SERPINB9: variants seen among roughly 807,000 people sequenced by gnomAD.
The protein encoded by SERPINB9 is serpin B9.
A neutral mutation model predicts 27.2 loss-of-function variants in SERPINB9; 20 were observed. That is an observed-to-expected ratio of 0.74 (90% CI 0.52 to 1.07). SERPINB9 has a LOEUF of 1.07. Ranked by LOEUF, SERPINB9 falls within the 50% of genes least tolerant of loss-of-function variation. The pLI, the probability that SERPINB9 is intolerant of heterozygous loss-of-function variation, is 0.00. For missense variants in SERPINB9, 476 were observed against 460.1 expected (o/e 1.03, Z -0.32); for synonymous variants, 189 against 180.0 (o/e 1.05, Z -0.40).
At chr6:2,897,640 C>A (rs541908547) in intron 2 of SERPINB9, among the ~76,000 whole-genome samples, 106 of 152,114 alleles carry the variant, frequency 7.0e-4, no homozygotes, top group African/African-American at 2.5e-3. Flanking sequence ...ACTTTAAAAT[C>A]ATTATGTTAG....
intron 3 of SERPINB9, 89 bp from the exon 4 acceptor site, chr6:2,895,597 T>A: frequency 1.2e-6 from 1 of 805,926 alleles, no homozygotes; most frequent in Non-Finnish European, 2.1e-6. Flanking sequence ...TATCTTTTTT[T>A]AATAAAAAGA....
At chr6:2,892,604 A>G (rs1180985554) in intron 5 of SERPINB9, among the ~76,000 whole-genome samples, 10 of 152,226 alleles carry the variant, frequency 6.6e-5, no homozygotes, top group Non-Finnish European at 2.9e-5. Context: ...TTATTAACGT[A>G]ATACTTTAAA....
At chr6:2,901,450 T>C (rs1274392584) in intron 1 of SERPINB9, among the ~76,000 whole-genome samples, 1 of 149,062 alleles carries the variant, frequency 6.7e-6, no homozygotes, top group African/African-American at 2.5e-5. Context: ...AGATTGTGCG[T>C]GAGAGGAAGG....
chr6:2,890,147 A>C lies in SERPINB9; in HGVS notation c.*16T>G. The C allele has an allele frequency of 3.1e-6, 5 of 1,600,492 alleles. No individual in the cohort carries two copies. The highest frequency in any genetic ancestry group is 4.3e-6 in the Non-Finnish European group (5 of 1,170,844). ...CAGGAAGAGGGAAATGGCCGAGTGC[A>C]CGGTAAGTGCACCCTTTATGGCGAT... On this transcript the variant is annotated 3_prime_UTR_variant, in exon 7 of 7. Transcript: ENST00000380698. The surrounding 1 kb of genome is among the most constrained non-coding windows in gnomAD (Gnocchi z 6.2).
Position 2,894,602 on chromosome 6 carries a change from C to G in SERPINB9, c.424+789G>C, listed in dbSNP as rs553431989. The stretch of plus-strand genomic sequence containing the variant: ...AGGTCCCCCAGAACCTAGGAAGAGG[C>G]AGCCCAAGTGTATACCTCAGGCAAG... On this transcript the variant is annotated intron_variant, in intron 4 of 6. Coordinates refer to ENST00000380698, the MANE Select transcript of SERPINB9 (RefSeq NM_004155.6). This position sits in a 1 kb window ranked among gnomAD's most constrained non-coding sequence, Gnocchi z 4.7. Among the ~76,000 whole-genome samples, 1 of 152,314 alleles carries G rather than the reference C, an allele frequency of 6.6e-6. No homozygotes were observed. The highest frequency in any genetic ancestry group is 6.5e-5 in the Admixed American group (1 of 15,302).
rs1376833731 is a variant in SERPINB9, at chr6:2,890,199, G to A, written c.1095C>T (p.Asn365=). ...AGAACCTGCCACAGAACAGAATGCTGTTGGCTCTGTTGTGCCTGATGAAGA... is the reference window on the plus strand; with the variant it reads ...AGAACCTGCCACAGAACAGAATGCTATTGGCTCTGTTGTGCCTGATGAAGA... ...FLFFIRHNRA[N]SILFCGRFSS... The change falls in exon 7 of 7, where the codon AAC becomes AAT. Residue 365 remains asparagine, a synonymous_variant. Coordinates refer to ENST00000380698, the MANE Select transcript of SERPINB9 (RefSeq NM_004155.6). This position sits in a 1 kb window ranked among gnomAD's most constrained non-coding sequence, Gnocchi z 6.2. The A allele has an allele frequency of 2.5e-6, 4 of 1,614,188 alleles. No individual in the cohort carries two copies. Among genetic ancestry groups the A allele is most frequent in the Non-Finnish European group, 3.4e-6 (4 of 1,180,024 alleles).
chr6:2,895,604 A>C (rs1767969224), intron 3 of SERPINB9, 96 bp from the exon 4 acceptor site: 1 of 758,754 alleles, frequency 1.3e-6, no homozygotes, highest in South Asian at 1.6e-5. Flanking sequence ...TTTTAATAAA[A>C]AGAATATACA....
chr6:2,895,367 G>A, intron 4 of SERPINB9, 24 bp downstream of exon 4: 3 of 1,495,754 alleles, frequency 2.0e-6, no homozygotes, highest in African/African-American at 1.4e-5. Flanking sequence ...TTGGGAGGAA[G>A]GTGCAATAAC....
intron 5 of SERPINB9, among the ~76,000 whole-genome samples, 187 bp from the exon 6 acceptor site, chr6:2,892,175 C>G (rs943106549): frequency 2.2e-5 from 3 of 136,012 alleles, no homozygotes; most frequent in Admixed American, 2.2e-4. Flanking sequence ...CAAGCAGACA[C>G]AGTACCACCC....
chr6:2,893,623 T>C, intron 4 of SERPINB9, 70 bp from the exon 5 acceptor site: 1 of 1,368,886 alleles, frequency 7.3e-7, no homozygotes, highest in Non-Finnish European at 1.0e-6. Context: ...TGATCCTGGA[T>C]CATTAGTTGA....
In SERPINB9 at chr6:2,897,991, A is replaced by C. The variant is rs116004335; in HGVS notation, c.169-1801T>G. Among the ~76,000 whole-genome samples, 124 of 152,244 alleles carry C rather than the reference A, an allele frequency of 8.1e-4. 1 individual carries two copies. The highest frequency in any genetic ancestry group is 2.9e-3 in the African/African-American group (120 of 41,550). On this transcript the variant is annotated intron_variant, in intron 2 of 6. Coordinates refer to ENST00000380698, the MANE Select transcript of SERPINB9 (RefSeq NM_004155.6). ...AGGCTGAGGCAGGAGAATCACGTGA[A>C]CTTGAACTCGGGAGTTGGAGGTCGT...
Position 2,889,922 on chromosome 6 carries a change from T to C in SERPINB9, c.*241A>G, listed in dbSNP as rs572200579. 2.4e-6 allele frequency: 1 copy of C among 416,610 alleles called. No individual in the cohort carries two copies. The highest frequency in any genetic ancestry group is 1.9e-5 in the African/African-American group (1 of 51,456). 25.8% of individuals were successfully genotyped at this position (416,610 alleles called of 1,614,324 possible). On this transcript the variant is annotated 3_prime_UTR_variant, in exon 7 of 7. Coordinates refer to ENST00000380698, the MANE Select transcript of SERPINB9 (RefSeq NM_004155.6). ...AACTTTGCTTGCCATCCTATGGGAT[T>C]TGGACTGCAATTTTAATACAACAGG...
At chr6:2,900,939 T>C (rs961517028) in intron 1 of SERPINB9, among the ~76,000 whole-genome samples, 4 of 135,230 alleles carry the variant, frequency 3.0e-5, no homozygotes, top group Non-Finnish European at 4.7e-5. Flanking sequence ...CTCCAATTCT[T>C]TCCGTAAGGA....
In SERPINB9 at chr6:2,903,043, G is replaced by A. The variant is rs577765349; in HGVS notation, c.-11+158C>T. On this transcript the variant is annotated intron_variant, in intron 1 of 6. Coordinates refer to ENST00000380698, the MANE Select transcript of SERPINB9 (RefSeq NM_004155.6). The surrounding 1 kb of genome is among the most constrained non-coding windows in gnomAD (Gnocchi z 5.2). ...GGCTGCCGCTCCCAGGCACCCCCCAGAGACCGTTGCTGACCCCACCGAGAA... is the reference window on the plus strand; with the variant it reads ...GGCTGCCGCTCCCAGGCACCCCCCAAAGACCGTTGCTGACCCCACCGAGAA... 1.3e-3 allele frequency among the ~76,000 whole-genome samples: 191 copies of A among 151,540 alleles called. No individual in the cohort carries two copies. The highest frequency in any genetic ancestry group is 4.4e-3 in the African/African-American group (183 of 41,284).
intron 5 of SERPINB9, among the ~76,000 whole-genome samples, 199 bp downstream of exon 5, chr6:2,893,212 C>T (rs1235627549): frequency 1.4e-5 from 2 of 141,260 alleles, no homozygotes; most frequent in Admixed American, 7.1e-5. Context: ...ATTATATATA[C>T]GTATATATAA....
intron 2 of SERPINB9, among the ~76,000 whole-genome samples, chr6:2,899,688 C>T (rs1321261602): frequency 6.6e-6 from 1 of 152,206 alleles, no homozygotes. Context: ...TAAACCCTCC[C>T]TTCTTCACAC....
Position 2,887,846 on chromosome 6 carries a change from C to CAAAAAA in SERPINB9, c.*2311_*2316dup, listed in dbSNP as rs35916133. On this transcript the variant is annotated 3_prime_UTR_variant, in exon 7 of 7. Coordinates refer to ENST00000380698, the MANE Select transcript of SERPINB9 (RefSeq NM_004155.6). The stretch of plus-strand genomic sequence containing the variant: ...TGGGTGACAGAGTGAGGCACTGTCT[C>CAAAAAA]AAAAAAAAAAAAAAAAAAAAAAAAG... 3.2e-5 allele frequency: 2 copies of CAAAAAA among 62,430 alleles called. No individual in the cohort carries two copies. The highest frequency in any genetic ancestry group is 1.8e-4 in the Admixed American group (1 of 5,602). 3.9% of individuals were successfully genotyped at this position (62,430 alleles called of 1,614,324 possible). A position where few individuals can be genotyped will look rare whatever the true frequency, so the allele number is the denominator to read the frequency against.
intron 4 of SERPINB9, among the ~76,000 whole-genome samples, 172 bp downstream of exon 4, chr6:2,895,219 A>G (rs566936053): frequency 1.1e-4 from 16 of 152,212 alleles, no homozygotes; most frequent in Non-Finnish European, 2.4e-4. Context: ...CATCTGAAAC[A>G]CCCGTGAAAT....
At chr6:2,893,580 C>A in intron 4 of SERPINB9, 27 bp from the exon 5 acceptor site, 1 of 1,600,034 alleles carries the variant, frequency 6.2e-7, no homozygotes, top group South Asian at 1.1e-5. Context: ...AGACTACATT[C>A]AGTTGCTTTT....
Sources: gnomAD v4.1 joint callset for allele counts (sites outside exome capture counted in the v4.1 genomes callset) on GRCh38, gnomAD v4.1.1 for gene constraint, Gnocchi (gnomAD v3.1) non-coding constraint, MANE v1.5 for transcripts, NCBI Gene and HGNC (gene_info 2026-07-23, HGNC 2026-07-21) for gene names.